The following PGBD2 variants were observed in gnomAD, a reference collection of about 807,000 sequenced individuals.
The protein encoded by PGBD2 is piggyBac transposable element-derived protein 2.
PGBD2 carries 6 observed loss-of-function variants against 8.1 expected under a neutral mutation model. The ratio of observed to expected loss-of-function variants is 0.74; its 90% CI spans 0.40 to 1.46. The LOEUF (loss-of-function observed/expected upper bound fraction) is 1.46, where lower values mean the gene tolerates loss of function less well. PGBD2 is among the 40% of genes most tolerant of loss of function. PGBD2 has a pLI of 0.02. For synonymous variants in PGBD2, 318 were observed against 272.2 expected (o/e 1.17, Z -1.66); for missense variants, 802 against 739.0 (o/e 1.09, Z -0.99).
chr1:248,890,940 C>T, the PGBD2 span, among the ~76,000 whole-genome samples: 10 of 151,510 alleles, frequency 6.6e-5, no homozygotes, highest in South Asian at 1.0e-3. Flanking sequence ...TCCCCACCCC[C>T]GACACAGCCA....
chr1:248,925,114 GTCCT>G, the PGBD2 span, among the ~76,000 whole-genome samples: 3 of 152,096 alleles, frequency 2.0e-5, no homozygotes, highest in Admixed American at 6.5e-5. Flanking sequence ...TGATGACTGA[GTCCT>G]TCCTCAGCGC....
the PGBD2 span, among the ~76,000 whole-genome samples, chr1:248,895,273 C>T: frequency 6.6e-6 from 1 of 152,118 alleles, no homozygotes; most frequent in Non-Finnish European, 1.5e-5. Flanking sequence ...TTCACAGGGA[C>T]CAGTCCTGCC....
intron 1 of PGBD2, among the ~76,000 whole-genome samples, chr1:248,913,590 A>G (rs185880805): frequency 6.6e-6 from 1 of 152,302 alleles, no homozygotes; most frequent in African/African-American, 2.4e-5. Context: ...CCCACAAGGG[A>G]AGACTCATCT....
rs138409990 is a variant in PGBD2, at chr1:248,912,148, A to G, written c.-47-1668A>G. 4.6e-5 allele frequency among the ~76,000 whole-genome samples: 7 copies of G among 152,278 alleles called. No homozygotes were observed. The East Asian group carries it at 9.7e-4, about 21-fold the overall frequency. On this transcript the variant is annotated intron_variant, in intron 1 of 2. Coordinates refer to ENST00000329291, the MANE Select transcript of PGBD2 (RefSeq NM_170725.3). Reference sequence around the variant, plus strand: ...TGGAATCCTTGTGGAAACTCCCATCATCATTGTGTGCATGTGCAAATCCCC... The same window carrying G: ...TGGAATCCTTGTGGAAACTCCCATCGTCATTGTGTGCATGTGCAAATCCCC...
chr1:248,907,192 C>T (rs1661680919), intron 1 of PGBD2, among the ~76,000 whole-genome samples: 1 of 152,188 alleles, frequency 6.6e-6, no homozygotes. Context: ...GAATTTATGT[C>T]ATAAGTTCAA....
chr1:248,910,056 A>C (rs1661810016), intron 1 of PGBD2, among the ~76,000 whole-genome samples: 1 of 152,212 alleles, frequency 6.6e-6, no homozygotes, highest in African/African-American at 2.4e-5. Flanking sequence ...AAAGGTGGTA[A>C]ACTGCTGAGA....
downstream of PGBD2, among the ~76,000 whole-genome samples, chr1:248,922,208 C>T (rs755643150): frequency 2.0e-5 from 3 of 151,940 alleles, no homozygotes; most frequent in Admixed American, 6.6e-5. Context: ...CACAGGCGCC[C>T]GCCACCATGC....
the PGBD2 span, among the ~76,000 whole-genome samples, chr1:248,883,093 C>A: frequency 1.7e-4 from 26 of 152,044 alleles, no homozygotes; most frequent in Non-Finnish European, 3.5e-4. Context: ...TGGAGGGTTT[C>A]TAGTTTTTAA....
rs556206277 is a variant in PGBD2 at position 248,911,781 on chromosome 1, C to A, written c.-47-2035C>A. ...CCCACCTCCCTCCCGGACGGGGTGG[C>A]TGGCCGGGCGCTCCCCCAGCAAATT... On this transcript the variant is annotated intron_variant, in intron 1 of 2. Coordinates refer to ENST00000329291, the MANE Select transcript of PGBD2 (RefSeq NM_170725.3). Among the ~76,000 whole-genome samples, 255 of 151,992 alleles carry A rather than the reference C, an allele frequency of 1.7e-3. 1 individual carries two copies. Among genetic ancestry groups the A allele is most frequent in the African/African-American group, 5.4e-3 (223 of 41,300 alleles).
chr1:248,873,959 C>T, the PGBD2 span, among the ~76,000 whole-genome samples: 8 of 152,184 alleles, frequency 5.3e-5, no homozygotes, highest in Non-Finnish European at 8.8e-5. Flanking sequence ...CCACTTCTGA[C>T]ACATTCGTTT....
chr1:248,893,510 AT>A, the PGBD2 span, among the ~76,000 whole-genome samples: 3 of 152,314 alleles, frequency 2.0e-5, no homozygotes, highest in East Asian at 5.8e-4. Flanking sequence ...ATTTAGTATC[AT>A]GTCTTTCAAG....
chr1:248,893,771 A>G, the PGBD2 span, among the ~76,000 whole-genome samples: 1 of 152,170 alleles, frequency 6.6e-6, no homozygotes, highest in Non-Finnish European at 1.5e-5. Context: ...TTATTGCTGG[A>G]TTATTTGACA....
At chr1:248,881,952 A>G in the PGBD2 span, among the ~76,000 whole-genome samples, 1 of 152,218 alleles carries the variant, frequency 6.6e-6, no homozygotes, top group Non-Finnish European at 1.5e-5. Flanking sequence ...GTAATGTCTT[A>G]TAATTTGGGT....
chr1:248,895,398 G>A, the PGBD2 span, among the ~76,000 whole-genome samples: 1 of 152,142 alleles, frequency 6.6e-6, no homozygotes, highest in Non-Finnish European at 1.5e-5. Context: ...AAGAAGGTCT[G>A]AGTAGCAAGG....
chr1:248,915,931 G>C (rs1662082196), intron 2 of PGBD2, among the ~76,000 whole-genome samples: 1 of 152,170 alleles, frequency 6.6e-6, no homozygotes, highest in African/African-American at 2.4e-5. Flanking sequence ...GAGGGGACAG[G>C]AGTGGGTGTC....
chr1:248,907,486 G>A (rs1012324482), intron 1 of PGBD2, among the ~76,000 whole-genome samples: 12 of 152,184 alleles, frequency 7.9e-5, no homozygotes, highest in African/African-American at 1.7e-4. Flanking sequence ...GACGGGTGTC[G>A]GGCTGGGGGA....
Position 248,917,621 on chromosome 1 carries a change from A to T in PGBD2, c.1037A>T (p.Tyr346Phe). 3.1e-6 allele frequency: 5 copies of T among 1,614,218 alleles called. No homozygotes were observed. The highest frequency in any genetic ancestry group is 4.2e-6 in the Non-Finnish European group (5 of 1,180,038). ...CTTCAGGAGCGTGGTTTTCTGCCATATCACATATTTTTTGACAAGGTTTTC... is the reference window on the plus strand; with the variant it reads ...CTTCAGGAGCGTGGTTTTCTGCCATTTCACATATTTTTTGACAAGGTTTTC... ...DALQERGFLP[Y>F]HIFFDKVFTS... The change falls in exon 3 of 3, where the codon TAT becomes TTT. Residue 346 changes from tyrosine (Y) to phenylalanine (F), a missense_variant. Coordinates refer to ENST00000329291, the MANE Select transcript of PGBD2 (RefSeq NM_170725.3).
chr1:248,909,259 T>G (rs1262683800), intron 1 of PGBD2, among the ~76,000 whole-genome samples: 1 of 152,198 alleles, frequency 6.6e-6, no homozygotes, highest in Non-Finnish European at 1.5e-5. Flanking sequence ...TACAGACTCC[T>G]GAAAGGTAGA....
the PGBD2 span, among the ~76,000 whole-genome samples, chr1:248,895,995 G>A: frequency 6.6e-6 from 1 of 151,848 alleles, no homozygotes; most frequent in Non-Finnish European, 1.5e-5. Flanking sequence ...CCACTGTATA[G>A]TCTTTTATCC....
Sources: allele counts gnomAD v4.1 joint callset (sites outside exome capture counted in the v4.1 genomes callset), GRCh38; gene constraint gnomAD v4.1.1; transcripts MANE v1.5; gene names NCBI Gene and HGNC (gene_info 2026-07-23, HGNC 2026-07-21).